Variants in STX7 observed in about 807,000 individuals in gnomAD.
STX7 encodes syntaxin 7.
A neutral mutation model predicts 39.6 loss-of-function variants in STX7; 34 were observed. That is an observed-to-expected ratio of 0.86 (90% CI 0.65 to 1.14). The LOEUF (loss-of-function observed/expected upper bound fraction) is 1.14. Ranked by LOEUF, STX7 falls within the 50% of genes most tolerant of loss-of-function variation. STX7 has a pLI of 0.00. For missense variants in STX7, 284 were observed against 310.4 expected (o/e 0.92, Z 0.64); for synonymous variants, 119 against 99.1 (o/e 1.20, Z -1.19).
intron 5 of STX7, 67 bp downstream of exon 5, chr6:132,471,396 A>G: frequency 1.3e-6 from 2 of 1,526,130 alleles, no homozygotes; most frequent in South Asian, 1.3e-5. Context: ...TTATGCTACT[A>G]TAGACTTTTA....
In STX7 at chr6:132,464,088, A is replaced by T; in HGVS notation, c.611-13T>A. ...GCTTCTATGCTATCTGTAAAATAAA[A>T]CACACACACACAAATGTGTTAAACA... On this transcript the variant is annotated splice_polypyrimidine_tract_variant and intron_variant, in intron 8 of 9. Coordinates refer to ENST00000367941, the MANE Select transcript of STX7 (RefSeq NM_003569.3). The T allele has an allele frequency of 6.3e-7, 1 of 1,588,578 alleles. No individual in the cohort carries two copies. Among genetic ancestry groups the T allele is most frequent in the Non-Finnish European group, 8.6e-7 (1 of 1,160,544 alleles).
At chr6:132,491,483 T>C (rs1210975685) in intron 2 of STX7, among the ~76,000 whole-genome samples, 1 of 152,164 alleles carries the variant, frequency 6.6e-6, no homozygotes, top group South Asian at 2.1e-4. Context: ...CACCACCCAC[T>C]GCAGGTTTAG....
At position 132,458,724 on chromosome 6, in the gene STX7, CT is replaced by C. The variant is rs1243063822; in HGVS notation, c.*2033del. On this transcript the variant is annotated 3_prime_UTR_variant, in exon 10 of 10. Coordinates refer to ENST00000367941, the MANE Select transcript of STX7 (RefSeq NM_003569.3). Reference sequence around the variant, plus strand: ...ATTTAATTTTCTCTAATCAATACTACTCTTACGTTCCAAATATTTCATGGGA... The same window carrying C: ...ATTTAATTTTCTCTAATCAATACTACCTTACGTTCCAAATATTTCATGGGA... 5 of 152,164 alleles carry C rather than the reference CT, an allele frequency of 3.3e-5. No individual in the cohort carries two copies. The highest frequency in any genetic ancestry group is 7.4e-5 in the Non-Finnish European group (5 of 68,026). The allele number at this position is 152,164 out of a possible 1,614,324, so 9.4% of individuals were successfully genotyped here.
intron 1 of STX7, among the ~76,000 whole-genome samples, chr6:132,509,466 AC>A (rs1462552079): frequency 0.019 from 195 of 10,440 alleles, 5 homozygotes; most frequent in South Asian, 0.033. Flanking sequence ...ACATAACATA[AC>A]ATAACATAAC....
At chr6:132,470,676 A>G in intron 5 of STX7, 50 bp from the exon 6 acceptor site, 1 of 1,334,436 alleles carries the variant, frequency 7.5e-7, no homozygotes, top group Non-Finnish European at 1.1e-6. Flanking sequence ...AAAAAGCAAA[A>G]ATGAGAAAAA....
rs968034340 is a variant in STX7, at chr6:132,447,244, G to A, written c.*13514C>T. 47 of 152,266 alleles carry A rather than the reference G, an allele frequency of 3.1e-4. No homozygotes were observed. Among genetic ancestry groups the A allele is most frequent in the African/African-American group, 1.1e-3 (45 of 41,556 alleles). 9.4% of individuals were successfully genotyped at this position (152,266 alleles called of 1,614,324 possible). Reference sequence around the variant, plus strand: ...AGACATTGATTAGCTGACTGACATAGAGCGTTTCTTATCAGTCAACAAAAC... The same window carrying A: ...AGACATTGATTAGCTGACTGACATAAAGCGTTTCTTATCAGTCAACAAAAC... On this transcript the variant is annotated 3_prime_UTR_variant, in exon 10 of 10. Transcript: ENST00000367941.
chr6:132,457,940 A>G lies in STX7; in HGVS notation c.*2818T>C, dbSNP rs532093260. The stretch of plus-strand genomic sequence containing the variant: ...TTTATTTTCTTTACGTAAGTTTTAT[A>G]TTTTATTATGACATTCATTTTTTCT... On this transcript the variant is annotated 3_prime_UTR_variant, in exon 10 of 10. Transcript: ENST00000367941. The G allele has an allele frequency of 9.2e-5, 14 of 152,286 alleles. No homozygotes were observed. The highest frequency in any genetic ancestry group is 2.9e-4 in the African/African-American group (12 of 41,552). The allele number at this position is 152,286 out of a possible 1,614,324, so 9.4% of individuals were successfully genotyped here.
intron 7 of STX7, among the ~76,000 whole-genome samples, chr6:132,468,714 G>GC (rs144448943): frequency 0.21 from 31,916 of 151,942 alleles, 3,549 homozygotes; most frequent in African/African-American, 0.28. Context: ...TACCAAGTGA[G>GC]CGAGGCAGGA....
intron 9 of STX7, among the ~76,000 whole-genome samples, chr6:132,461,474 T>A (rs1032224827): frequency 1.0e-4 from 15 of 148,144 alleles, no homozygotes; most frequent in African/African-American, 3.7e-4. Context: ...ACCCAGCTAA[T>A]TTTTTTTTTG....
intron 2 of STX7, among the ~76,000 whole-genome samples, chr6:132,486,972 G>A (rs1181854072): frequency 6.6e-6 from 1 of 151,630 alleles, no homozygotes; most frequent in Non-Finnish European, 1.5e-5. Flanking sequence ...CAGCCTAGTA[G>A]TGTTCTCTTC....
At position 132,475,617 on chromosome 6, in the gene STX7, T is replaced by G. The variant is rs755811211; in HGVS notation, c.131A>C (p.Asp44Ala). 5.6e-6 allele frequency: 9 copies of G among 1,609,146 alleles called. No individual in the cohort carries two copies. In the African/African-American group the frequency reaches 9.4e-5, roughly 17 times the overall value. ...RTLNQLGTPQDSPELRQQLQQ... is the reference protein window; with the variant it reads ...RTLNQLGTPQASPELRQQLQQ... Reference sequence around the variant, plus strand: ...CAACTGTTGCCTCAATTCAGGTGAATCTTGAGGTGTTCCAAGTTGATTCAG... The same window carrying G: ...CAACTGTTGCCTCAATTCAGGTGAAGCTTGAGGTGTTCCAAGTTGATTCAG... Residue 44 changes from aspartate (D) to alanine (A), a missense_variant, in exon 3 of 10, where the codon GAT (aspartate) becomes GCT (alanine). Transcript: ENST00000367941.
At chr6:132,468,547 A>T (rs563493208) in intron 7 of STX7, 72 bp from the exon 8 acceptor site, 21 of 1,108,546 alleles carry the variant, frequency 1.9e-5, no homozygotes, top group Middle Eastern at 5.9e-4. Context: ...AAAATTTTAA[A>T]AACCCAAACC....
intron 2 of STX7, among the ~76,000 whole-genome samples, chr6:132,487,245 G>T (rs1775158664): frequency 1.3e-5 from 2 of 152,116 alleles, no homozygotes; most frequent in Non-Finnish European, 2.9e-5. Flanking sequence ...TTTCATCTAA[G>T]ATGTCAACTT....
rs1439822646 is a variant in STX7 at position 132,453,774 on chromosome 6, C to G, written c.*6984G>C. On this transcript the variant is annotated 3_prime_UTR_variant, in exon 10 of 10. Transcript: ENST00000367941. ...CAGAATGACTAAAATAAAAAAGAGA[C>G]ACCACCAAATGCTGAAAAGGACATG... is the stretch of plus-strand genomic sequence containing the variant. The G allele has an allele frequency of 6.6e-6, 1 of 151,892 alleles. No individual in the cohort carries two copies. Among genetic ancestry groups the G allele is most frequent in the Non-Finnish European group, 1.5e-5 (1 of 67,914 alleles). The allele number at this position is 151,892 out of a possible 1,614,324, so 9.4% of individuals were successfully genotyped here. A position where few individuals can be genotyped will look rare whatever the true frequency, so the allele number is the denominator to read the frequency against.
intron 9 of STX7, among the ~76,000 whole-genome samples, chr6:132,461,272 G>GT (rs1001601323): frequency 2.0e-5 from 3 of 151,718 alleles, no homozygotes; most frequent in African/African-American, 7.3e-5. Context: ...GAAGATATCA[G>GT]TAAGTACAAA....
At chr6:132,499,270 T>C (rs1028176997) in intron 2 of STX7, among the ~76,000 whole-genome samples, 3 of 152,250 alleles carry the variant, frequency 2.0e-5, no homozygotes, top group Admixed American at 1.3e-4. Context: ...CTACTAAATA[T>C]TGATTCTCTC....
Position 132,464,010 on chromosome 6 carries a change from T to G in STX7, c.676A>C (p.Arg226=). 6.2e-7 allele frequency: 1 copy of G among 1,614,142 alleles called. No individual in the cohort carries two copies. The highest frequency in any genetic ancestry group is 8.5e-7 in the Non-Finnish European group (1 of 1,180,000). ...TAAATTACCTGATAATCTGCTGCCC[T>G]TGACAGCTGCTGATTTGCTTGCTGA... ...HVQQANQQLS[R]AADYQRKSRK... is the part of the protein sequence containing the mutation. Residue 226 remains arginine (R), a synonymous_variant, in exon 9 of 10, where the codon AGG becomes CGG. Coordinates refer to ENST00000367941, the MANE Select transcript of STX7 (RefSeq NM_003569.3).
intron 9 of STX7, among the ~76,000 whole-genome samples, chr6:132,462,156 G>C (rs1215996705): frequency 6.6e-6 from 1 of 152,194 alleles, no homozygotes; most frequent in African/African-American, 2.4e-5. Context: ...TTTGTTGCCT[G>C]GGGTACTCCC....
At chr6:132,510,737 T>C (rs1439862023) in intron 1 of STX7, among the ~76,000 whole-genome samples, 1 of 152,208 alleles carries the variant, frequency 6.6e-6, no homozygotes. Context: ...ATAATCATCT[T>C]TCTATGAAGA....
Sources: allele counts gnomAD v4.1 joint callset (sites outside exome capture counted in the v4.1 genomes callset), GRCh38; gene constraint gnomAD v4.1.1; transcripts MANE v1.5; gene names NCBI Gene and HGNC (gene_info 2026-07-23, HGNC 2026-07-21).